Variants in ERBB4 observed in about 807,000 individuals in gnomAD.
ERBB4 encodes the protein receptor tyrosine-protein kinase erbB-4.
A neutral mutation model predicts 158.0 loss-of-function variants in ERBB4; 42 were observed. That is an observed-to-expected ratio of 0.27 (90% CI 0.21 to 0.34). ERBB4 has a LOEUF of 0.34. ERBB4 is among the 10% of genes least tolerant of loss of function. The pLI is 1.00. For synonymous variants in ERBB4, 583 were observed against 558.7 expected (o/e 1.04, Z -0.61); for missense variants, 1,333 against 1,624.1 (o/e 0.82, Z 3.08).
chr2:212,055,771 C>T (rs1370512422), intron 2 of ERBB4, among the ~76,000 whole-genome samples: 2 of 152,214 alleles, frequency 1.3e-5, no homozygotes, highest in African/African-American at 4.8e-5. Flanking sequence ...ACCAAAACCC[C>T]ATCTGTACAT....
intron 2 of ERBB4, among the ~76,000 whole-genome samples, chr2:211,997,233 C>T (rs187350216): frequency 1.8e-3 from 270 of 152,200 alleles, no homozygotes; most frequent in African/African-American, 6.2e-3. Flanking sequence ...TTCAAACCTT[C>T]CAGAATTCAT....
At chr2:211,530,469 G>A (rs757201911) in intron 20 of ERBB4, among the ~76,000 whole-genome samples, 2 of 151,956 alleles carry the variant, frequency 1.3e-5, no homozygotes, top group Non-Finnish European at 2.9e-5. Context: ...AAATACCAAC[G>A]ATATTTTTCA....
At chr2:211,878,377 T>C (rs1007152820) in intron 3 of ERBB4, among the ~76,000 whole-genome samples, 12 of 152,188 alleles carry the variant, frequency 7.9e-5, no homozygotes, top group East Asian at 1.9e-4. Flanking sequence ...GTGGATGATA[T>C]ATTGATATTA....
intron 2 of ERBB4, among the ~76,000 whole-genome samples, chr2:212,046,100 T>C (rs2077254996): frequency 1.3e-5 from 2 of 152,208 alleles, no homozygotes; most frequent in African/African-American, 4.8e-5. Flanking sequence ...ACCCAATCCA[T>C]GTTAATTTTT....
At chr2:211,622,602 A>G (rs1356384243) in intron 18 of ERBB4, among the ~76,000 whole-genome samples, 1 of 152,048 alleles carries the variant, frequency 6.6e-6, no homozygotes, top group East Asian at 1.9e-4. Context: ...AAAATGCAAC[A>G]TTTCTAAGAT....
intron 1 of ERBB4, among the ~76,000 whole-genome samples, chr2:212,535,329 A>G (rs146962473): frequency 6.6e-6 from 1 of 152,182 alleles, no homozygotes; most frequent in Non-Finnish European, 1.5e-5. Context: ...AAGAGAATTG[A>G]TGCTTTCTTG....
At chr2:212,517,983 A>C (rs1207591720) in intron 1 of ERBB4, among the ~76,000 whole-genome samples, 2 of 152,084 alleles carry the variant, frequency 1.3e-5, no homozygotes, top group African/African-American at 4.8e-5. Context: ...CTGATTTTCA[A>C]CCTGTAAAAA....
intron 2 of ERBB4, among the ~76,000 whole-genome samples, chr2:211,990,948 A>G (rs1394570792): frequency 6.6e-6 from 1 of 152,022 alleles, no homozygotes; most frequent in African/African-American, 2.4e-5. Context: ...CAATTCTTCA[A>G]ACGACAAAAT....
At chr2:212,166,510 C>T (rs2081350755) in intron 1 of ERBB4, among the ~76,000 whole-genome samples, 1 of 151,140 alleles carries the variant, frequency 6.6e-6, no homozygotes, top group Non-Finnish European at 1.5e-5. Context: ...GGTTATACTG[C>T]CCAAAGTAAT....
intron 1 of ERBB4, among the ~76,000 whole-genome samples, chr2:212,222,389 T>C (rs1469290428): frequency 6.6e-6 from 1 of 151,560 alleles, no homozygotes; most frequent in Non-Finnish European, 1.5e-5. Flanking sequence ...ATAAAATTAA[T>C]TCCTTAATAA....
chr2:212,242,243 T>C (rs1381503372), intron 1 of ERBB4, among the ~76,000 whole-genome samples: 1 of 151,918 alleles, frequency 6.6e-6, no homozygotes, highest in Non-Finnish European at 1.5e-5. Context: ...GCATTAATAT[T>C]TAAAAGACAT....
At chr2:211,840,180 T>C (rs1252739698) in intron 3 of ERBB4, among the ~76,000 whole-genome samples, 1 of 151,998 alleles carries the variant, frequency 6.6e-6, no homozygotes, top group Non-Finnish European at 1.5e-5. Flanking sequence ...GTCTTTCCTG[T>C]GCTGTTCTCA....
intron 20 of ERBB4, among the ~76,000 whole-genome samples, chr2:211,434,001 G>C (rs1277447732): frequency 6.6e-6 from 1 of 152,026 alleles, no homozygotes; most frequent in African/African-American, 2.4e-5. Context: ...ACTATAAAGA[G>C]GATAATATCA....
chr2:211,415,242 G>T (rs534636657), intron 25 of ERBB4, among the ~76,000 whole-genome samples: 3 of 147,340 alleles, frequency 2.0e-5, no homozygotes, highest in South Asian at 2.2e-4. Flanking sequence ...TCAGCCTCCC[G>T]AGTAGCCGGG....
At chr2:211,522,900 T>C (rs2125642143) in intron 20 of ERBB4, among the ~76,000 whole-genome samples, 1 of 152,124 alleles carries the variant, frequency 6.6e-6, no homozygotes, top group African/African-American at 2.4e-5. Flanking sequence ...ACTTGCTTTA[T>C]TACAGCATTC....
chr2:211,440,860 C>T (rs2125452629), intron 20 of ERBB4, among the ~76,000 whole-genome samples: 1 of 152,222 alleles, frequency 6.6e-6, no homozygotes, highest in South Asian at 2.1e-4. Flanking sequence ...CTTGAGTATC[C>T]ACATAAGGGG....
chr2:212,444,020 G>A (rs772647967), intron 1 of ERBB4, among the ~76,000 whole-genome samples: 22 of 152,152 alleles, frequency 1.4e-4, no homozygotes, highest in Non-Finnish European at 2.5e-4. Context: ...TGGTATATAC[G>A]TGACTGGGCT....
At chr2:211,912,848 A>AACATTT (rs927008736) in intron 3 of ERBB4, among the ~76,000 whole-genome samples, 3 of 152,194 alleles carry the variant, frequency 2.0e-5, no homozygotes, top group African/African-American at 7.2e-5. Context: ...CCTGAAAAGA[A>AACATTT]ACATTTACCA....
At chr2:211,957,953 C>T (rs1559186613) in intron 2 of ERBB4, among the ~76,000 whole-genome samples, 1 of 152,002 alleles carries the variant, frequency 6.6e-6, no homozygotes, top group Non-Finnish European at 1.5e-5. Context: ...CAACAGCTGC[C>T]TCTGTTGAAA....
Sources: allele counts gnomAD v4.1 joint callset (sites outside exome capture counted in the v4.1 genomes callset), GRCh38; gene constraint gnomAD v4.1.1; transcripts MANE v1.5; gene names NCBI Gene and HGNC (gene_info 2026-07-23, HGNC 2026-07-21).